Variants in PCDH7 observed in about 807,000 individuals in gnomAD.
PCDH7 encodes protocadherin-7.
PCDH7 carries 17 observed loss-of-function variants against 58.9 expected under a neutral mutation model. That is an observed-to-expected ratio of 0.29 (90% CI 0.20 to 0.43). PCDH7 has a LOEUF of 0.43. PCDH7 is among the 20% of genes least tolerant of loss of function. The pLI is 1.00. For synonymous variants in PCDH7, 664 were observed against 616.4 expected (o/e 1.08, Z -1.14); for missense variants, 1,274 against 1,441.0 (o/e 0.88, Z 1.88).
At chr4:30,964,285 A>G (rs1364080464) in intron 3 of PCDH7, among the ~76,000 whole-genome samples, 2 of 149,428 alleles carry the variant, frequency 1.3e-5, no homozygotes, top group African/African-American at 4.9e-5. Flanking sequence ...TCTGTCTCCC[A>G]GGCTGGAGTG....
intron 1 of PCDH7, among the ~76,000 whole-genome samples, chr4:30,864,281 A>G (rs748500744): frequency 3.3e-5 from 5 of 152,070 alleles, no homozygotes; most frequent in African/African-American, 1.2e-4. Flanking sequence ...CGAATATGAG[A>G]CAGACATGTA....
intron 1 of PCDH7, among the ~76,000 whole-genome samples, chr4:30,741,042 A>AG (rs1560319811): frequency 6.6e-6 from 1 of 151,802 alleles, no homozygotes; most frequent in Non-Finnish European, 1.5e-5. Context: ...TCATTGTAGG[A>AG]TTTTTTTTCA....
intron 3 of PCDH7, among the ~76,000 whole-genome samples, chr4:30,978,117 A>T (rs1750237114): frequency 6.6e-6 from 1 of 152,220 alleles, no homozygotes; most frequent in Non-Finnish European, 1.5e-5. Flanking sequence ...ATAGAGGAAC[A>T]TTCTGTTAAA....
At chr4:30,862,530 G>C (rs1734333968) in intron 1 of PCDH7, among the ~76,000 whole-genome samples, 1 of 152,134 alleles carries the variant, frequency 6.6e-6, no homozygotes, top group African/African-American at 2.4e-5. Context: ...TGTACATAGT[G>C]AGATATTACG....
At chr4:30,729,769 C>A (rs2109235969) in intron 1 of PCDH7, among the ~76,000 whole-genome samples, 1 of 152,068 alleles carries the variant, frequency 6.6e-6, no homozygotes, top group African/African-American at 2.4e-5. Context: ...ATTTTAGTAG[C>A]ATCCTTAACA....
At chr4:30,868,450 G>A (rs556776275) in intron 1 of PCDH7, among the ~76,000 whole-genome samples, 2 of 152,186 alleles carry the variant, frequency 1.3e-5, no homozygotes, top group South Asian at 2.1e-4. Flanking sequence ...ACGAGCAGGC[G>A]TTGTGTATGT....
chr4:30,868,236 C>T (rs1167108975), intron 1 of PCDH7, among the ~76,000 whole-genome samples: 2 of 152,034 alleles, frequency 1.3e-5, no homozygotes, highest in African/African-American at 4.8e-5. Flanking sequence ...AAGTGTTTTA[C>T]ATACATCACC....
chr4:30,980,800 A>T (rs747697957), intron 3 of PCDH7, among the ~76,000 whole-genome samples: 1 of 152,288 alleles, frequency 6.6e-6, no homozygotes, highest in Admixed American at 6.5e-5. Context: ...AGAAATTTCT[A>T]TCACAATTTG....
chr4:30,996,426 G>A (rs916112583), intron 3 of PCDH7, among the ~76,000 whole-genome samples: 1 of 152,186 alleles, frequency 6.6e-6, no homozygotes, highest in African/African-American at 2.4e-5. Flanking sequence ...TTTCCAGCAT[G>A]GATAGAATCA....
chr4:30,976,894 A>C (rs1449532766), intron 3 of PCDH7, among the ~76,000 whole-genome samples: 1 of 152,184 alleles, frequency 6.6e-6, no homozygotes, highest in Non-Finnish European at 1.5e-5. Flanking sequence ...ATTTCATTAA[A>C]AATAATCAGC....
At chr4:30,885,541 T>C (rs1737603766) in intron 1 of PCDH7, among the ~76,000 whole-genome samples, 2 of 152,134 alleles carry the variant, frequency 1.3e-5, no homozygotes, top group African/African-American at 4.8e-5. Flanking sequence ...TGTGTGTGCA[T>C]GTGTGTGCAG....
At chr4:30,866,090 A>G (rs1234119613) in intron 1 of PCDH7, among the ~76,000 whole-genome samples, 1 of 152,046 alleles carries the variant, frequency 6.6e-6, no homozygotes, top group Admixed American at 6.6e-5. Flanking sequence ...AAGCTCTCTT[A>G]TTACCTGATA....
intron 1 of PCDH7, among the ~76,000 whole-genome samples, chr4:30,726,357 A>C (rs1714609477): frequency 6.6e-6 from 1 of 152,028 alleles, no homozygotes; most frequent in African/African-American, 2.4e-5. Context: ...TCTGGATAGC[A>C]TTTGCGTTCT....
intron 3 of PCDH7, among the ~76,000 whole-genome samples, chr4:31,104,080 G>T (rs1005375023): frequency 6.6e-6 from 1 of 152,214 alleles, no homozygotes; most frequent in Non-Finnish European, 1.5e-5. Context: ...ATTCCCAAGG[G>T]AGAATTCTTC....
chr4:30,917,373 A>G (rs1014231133), intron 1 of PCDH7, among the ~76,000 whole-genome samples: 2 of 152,296 alleles, frequency 1.3e-5, no homozygotes, highest in Admixed American at 6.5e-5. Context: ...CAAAACTGTC[A>G]AAATGAATCT....
chr4:31,095,113 G>A (rs1713789663), intron 3 of PCDH7, among the ~76,000 whole-genome samples: 1 of 144,554 alleles, frequency 6.9e-6, no homozygotes, highest in Non-Finnish European at 1.5e-5. Flanking sequence ...CTACCAGACA[G>A]GGTATTTTTT....
rs1377822435 is a variant in PCDH7, at chr4:30,740,844, C to T, written c.70+16248C>T. ...TTTTTTAAAAAATATCATTTTACTT[C>T]TTATTAAAAGCATTTATATAAATTT... On this transcript the variant is annotated intron_variant, in intron 1 of 3. Coordinates refer to the PCDH7 transcript ENST00000509759. 3.3e-5 allele frequency among the ~76,000 whole-genome samples: 5 copies of T among 151,046 alleles called. No individual in the cohort carries two copies. The East Asian group carries it at 9.7e-4, about 29-fold the overall frequency.
intron 1 of PCDH7, among the ~76,000 whole-genome samples, chr4:30,795,286 A>G (rs945990390): frequency 6.6e-6 from 1 of 152,258 alleles, no homozygotes; most frequent in African/African-American, 2.4e-5. Context: ...CAGCTCTCTT[A>G]TGTGTTTAAA....
chr4:31,081,308 C>G (rs1295369399), intron 3 of PCDH7, among the ~76,000 whole-genome samples: 2 of 152,082 alleles, frequency 1.3e-5, no homozygotes, highest in Admixed American at 1.3e-4. Context: ...AAATAACATG[C>G]CAGTGAAACT....
Sources: allele counts gnomAD v4.1 joint callset (sites outside exome capture counted in the v4.1 genomes callset), GRCh38; gene constraint gnomAD v4.1.1; transcripts MANE v1.5; gene names NCBI Gene and HGNC (gene_info 2026-07-23, HGNC 2026-07-21).